The following STAU2 variants were observed in gnomAD, a reference collection of about 807,000 sequenced individuals.
STAU2 encodes double-stranded RNA-binding protein Staufen homolog 2.
A neutral mutation model predicts 65.9 loss-of-function variants in STAU2; 20 were observed. The ratio of observed to expected loss-of-function variants is 0.30; its 90% CI spans 0.21 to 0.44. The LOEUF (loss-of-function observed/expected upper bound fraction) is 0.44. STAU2 is among the 20% of genes least tolerant of loss of function. The pLI is 1.00. For synonymous variants in STAU2, 232 were observed against 233.9 expected, an observed-to-expected ratio of 0.99 and a Z score of 0.07; for missense variants, 558 against 683.9, an observed-to-expected ratio of 0.82 and a Z score of 2.05.
intron 11 of STAU2, among the ~76,000 whole-genome samples, chr8:73,594,742 T>A (rs1811060983): frequency 6.6e-6 from 1 of 152,098 alleles, no homozygotes; most frequent in Admixed American, 6.6e-5. Flanking sequence ...GAAAAATTAG[T>A]TTATAGAGTG....
intron 11 of STAU2, among the ~76,000 whole-genome samples, chr8:73,583,127 C>T (rs1316381229): frequency 6.6e-6 from 1 of 151,340 alleles, no homozygotes; most frequent in African/African-American, 2.4e-5. Context: ...TAAGCTCTAG[C>T]TAGGTGGTGA....
intron 4 of STAU2, among the ~76,000 whole-genome samples, chr8:73,698,763 A>G (rs1347251294): frequency 2.6e-5 from 4 of 152,162 alleles, no homozygotes; most frequent in Non-Finnish European, 5.9e-5. Context: ...AAGAAAATCA[A>G]CAAAGAAACA....
chr8:73,643,252 G>A (rs888301959), intron 6 of STAU2, among the ~76,000 whole-genome samples: 4 of 152,114 alleles, frequency 2.6e-5, no homozygotes, highest in African/African-American at 9.7e-5. Flanking sequence ...TCCACACTAG[G>A]CAGCTATAGC....
chr8:73,724,289 C>T (rs1403223503), intron 3 of STAU2, among the ~76,000 whole-genome samples: 1 of 152,106 alleles, frequency 6.6e-6, no homozygotes, highest in African/African-American at 2.4e-5. Flanking sequence ...AAACACGATC[C>T]TTGTTACACC....
upstream of STAU2, chr8:73,747,040 C>G (rs1483690468): frequency 9.3e-6 from 2 of 214,268 alleles, no homozygotes; most frequent in Non-Finnish European, 1.6e-5. Flanking sequence ...CACTCCGCCT[C>G]CCGCCGGCCC....
intron 13 of STAU2, among the ~76,000 whole-genome samples, chr8:73,478,324 AAAATCG>A (rs1480073170): frequency 6.6e-6 from 1 of 151,542 alleles, no homozygotes; most frequent in African/African-American, 2.4e-5. Context: ...AAAAAAAAAA[AAAATCG>A]AAAAAAAAAT....
chr8:73,652,327 A>T (rs1265764604), intron 6 of STAU2: 1 of 152,196 alleles, frequency 6.6e-6, no homozygotes, highest in African/African-American at 2.4e-5. Context: ...AAACTTCCAC[A>T]TTCAAAAGAA....
At chr8:73,724,296 C>T (rs1246785562) in intron 3 of STAU2, among the ~76,000 whole-genome samples, 1 of 152,132 alleles carries the variant, frequency 6.6e-6, no homozygotes, top group Non-Finnish European at 1.5e-5. Context: ...ATCCTTGTTA[C>T]ACCACATGGA....
intron 13 of STAU2, among the ~76,000 whole-genome samples, chr8:73,451,699 TGGA>T (rs1226480774): frequency 6.6e-6 from 1 of 152,056 alleles, no homozygotes. Flanking sequence ...CAGACCTTGC[TGGA>T]GGAGAACAAG....
chr8:73,609,591 T>C (rs574562750), intron 9 of STAU2, among the ~76,000 whole-genome samples: 47 of 151,730 alleles, frequency 3.1e-4, no homozygotes, highest in East Asian at 7.8e-4. Flanking sequence ...GAGGTGGAGG[T>C]TGCAGTGAGC....
At chr8:73,425,619 ATC>A (rs57368986) in intron 13 of STAU2, among the ~76,000 whole-genome samples, 1,634 of 149,622 alleles carry the variant, frequency 0.011, 32 homozygotes, top group African/African-American at 0.036. Flanking sequence ...GGATAGCAAA[ATC>A]TCTCTCTCTC....
intron 6 of STAU2, among the ~76,000 whole-genome samples, chr8:73,667,275 AC>A (rs1817308909): frequency 6.6e-6 from 1 of 152,248 alleles, no homozygotes; most frequent in East Asian, 1.9e-4. Flanking sequence ...TATTCCTAAA[AC>A]ATATATCCAA....
chr8:73,667,375 C>T (rs1817316892), intron 6 of STAU2, among the ~76,000 whole-genome samples: 1 of 152,170 alleles, frequency 6.6e-6, no homozygotes, highest in Non-Finnish European at 1.5e-5. Context: ...CAATTCAGGA[C>T]ATTCAAATCG....
At chr8:73,539,877 GAAACT>G (rs938708973) in intron 13 of STAU2, among the ~76,000 whole-genome samples, 1 of 150,474 alleles carries the variant, frequency 6.6e-6, no homozygotes, top group African/African-American at 2.4e-5. Context: ...TGTACAATCT[GAAACT>G]AAGAGGAAAA....
intron 13 of STAU2, among the ~76,000 whole-genome samples, chr8:73,544,010 C>T (rs958401108): frequency 6.6e-6 from 1 of 152,198 alleles, no homozygotes; most frequent in Admixed American, 6.5e-5. Flanking sequence ...TTAAGTTCCT[C>T]TAAGTTTATT....
chr8:73,651,462 A>C, intron 6 of STAU2: 1 of 676,982 alleles, frequency 1.5e-6, no homozygotes, highest in Non-Finnish European at 2.7e-6. Flanking sequence ...CGGCAAATGC[A>C]GGACTCCCAG....
intron 13 of STAU2, among the ~76,000 whole-genome samples, chr8:73,456,282 T>C (rs1302108600): frequency 1.3e-5 from 2 of 152,052 alleles, no homozygotes; most frequent in East Asian, 1.9e-4. Context: ...CAGGTCCCAG[T>C]TGGTGATATA....
At chr8:73,616,625 C>G (rs1247751075) in intron 7 of STAU2, among the ~76,000 whole-genome samples, 1 of 151,986 alleles carries the variant, frequency 6.6e-6, no homozygotes, top group Non-Finnish European at 1.5e-5. Flanking sequence ...AGTGAAACCC[C>G]ATCTCTGCTA....
At chr8:73,584,594 C>G (rs1810230593) in intron 11 of STAU2, among the ~76,000 whole-genome samples, 1 of 152,044 alleles carries the variant, frequency 6.6e-6, no homozygotes, top group Non-Finnish European at 1.5e-5. Flanking sequence ...CATCTTCTAA[C>G]TAGAGGAGAG....
Sources: gnomAD v4.1 joint callset for allele counts (sites outside exome capture counted in the v4.1 genomes callset) on GRCh38, gnomAD v4.1.1 for gene constraint, MANE v1.5 for transcripts, NCBI Gene and HGNC (gene_info 2026-07-23, HGNC 2026-07-21) for gene names.